The following JAZF1 variants were observed in gnomAD, a reference collection of about 807,000 sequenced individuals.
The protein encoded by JAZF1 is JAZF zinc finger 1.
Under a neutral mutation model 26.4 loss-of-function variants are expected in JAZF1, and 8 were observed. That is an observed-to-expected ratio of 0.30 (90% CI 0.18 to 0.55). JAZF1 has a LOEUF of 0.55. Among genes scored for constraint, JAZF1 ranks in the 20% least tolerant of loss-of-function variants. The probability of loss-of-function intolerance (pLI) is 0.94; values close to 1 mark genes in which losing one functional copy is unlikely to be tolerated. For missense variants in JAZF1, 199 were observed against 322.0 expected (o/e 0.62, Z 2.92); for synonymous variants, 126 against 122.3 (o/e 1.03, Z -0.20).
chr7:28,072,840 A>G (rs1216243490), intron 1 of JAZF1, among the ~76,000 whole-genome samples: 1 of 152,232 alleles, frequency 6.6e-6, no homozygotes, highest in Non-Finnish European at 1.5e-5. Flanking sequence ...AATAGTTTAT[A>G]TAAACTTGCA....
chr7:28,020,754 T>C (rs951534890), intron 1 of JAZF1: 2 of 468,266 alleles, frequency 4.3e-6, no homozygotes, highest in Non-Finnish European at 8.9e-6. Context: ...CTGAAGCCTC[T>C]GCAGCCTTGG....
chr7:28,130,915 C>T (rs190668545), intron 1 of JAZF1, among the ~76,000 whole-genome samples: 190 of 152,262 alleles, frequency 1.2e-3, no homozygotes, highest in African/African-American at 4.3e-3. Flanking sequence ...TTTGGCCTGA[C>T]GACTACTTTA....
intron 2 of JAZF1, among the ~76,000 whole-genome samples, chr7:27,990,521 T>A (rs1169598458): frequency 6.6e-6 from 1 of 152,144 alleles, no homozygotes; most frequent in African/African-American, 2.4e-5. Context: ...GGTGAAAATT[T>A]CATAGATTCT....
chr7:28,103,980 C>G (rs1433042569), intron 1 of JAZF1, among the ~76,000 whole-genome samples: 4 of 152,202 alleles, frequency 2.6e-5, no homozygotes, highest in Admixed American at 6.5e-5. Flanking sequence ...TGGGTGCCCA[C>G]CACGACCTTA....
rs1785816719 is a variant in JAZF1, at chr7:27,988,706, C to T, written c.188+3203G>A. Among the ~76,000 whole-genome samples, 3 of 152,004 alleles carry T rather than the reference C, an allele frequency of 2.0e-5. No homozygotes were observed. In the South Asian group the frequency reaches 6.2e-4, roughly 32 times the overall value. ...GTCATAGGTAAAAAAAATAGCATAT[C>T]ATTGTTTGAATCTATTGTTATTTTC... On this transcript the variant is annotated intron_variant, in intron 2 of 4. Transcript: ENST00000283928.
intron 1 of JAZF1, among the ~76,000 whole-genome samples, chr7:28,103,226 A>C (rs1784501477): frequency 6.6e-6 from 1 of 151,862 alleles, no homozygotes; most frequent in Non-Finnish European, 1.5e-5. Flanking sequence ...ACCATTCCCA[A>C]ATGCCTATCT....
At chr7:28,097,759 G>A (rs960647374) in intron 1 of JAZF1, among the ~76,000 whole-genome samples, 3 of 152,156 alleles carry the variant, frequency 2.0e-5, no homozygotes, top group Non-Finnish European at 2.9e-5. Flanking sequence ...GGCAGCCACA[G>A]GCCTGCTAGA....
At chr7:28,010,937 A>G (rs1042691129) in intron 1 of JAZF1, among the ~76,000 whole-genome samples, 3 of 152,170 alleles carry the variant, frequency 2.0e-5, no homozygotes. Context: ...TTTTCTCTAC[A>G]TGTAGCTGCT....
At chr7:27,841,255 C>A in intron 3 of JAZF1, 1 of 183,714 alleles carries the variant, frequency 5.4e-6, no homozygotes, top group Non-Finnish European at 1.1e-5. Flanking sequence ...CTGACACTCC[C>A]AAATGAGCAG....
chr7:27,978,069 A>G (rs1159661668), intron 2 of JAZF1, among the ~76,000 whole-genome samples: 2 of 152,250 alleles, frequency 1.3e-5, no homozygotes, highest in Admixed American at 1.3e-4. Flanking sequence ...AAAAGTTGCA[A>G]TAACATTCCA....
intron 1 of JAZF1, among the ~76,000 whole-genome samples, chr7:28,154,468 T>A (rs774464614): frequency 1.1e-4 from 16 of 152,180 alleles, no homozygotes; most frequent in Non-Finnish European, 2.4e-4. Flanking sequence ...TCATATCCAA[T>A]AGTCTGATGT....
chr7:27,885,978 CCTAA>C lies in JAZF1; in HGVS notation c.385+9238_385+9241del, dbSNP rs549349907. ...GTGCTATATAGCTATTTCTAGAAGC[CCTAA>C]CTAACCTGACAACATAAGCCATTTC... On this transcript the variant is annotated intron_variant, in intron 3 of 4. Transcript: ENST00000283928. Among the ~76,000 whole-genome samples, 235 of 152,254 alleles carry C rather than the reference CCTAA, an allele frequency of 1.5e-3. 1 individual carries two copies. The highest frequency in any genetic ancestry group is 5.3e-3 in the African/African-American group (220 of 41,554).
At chr7:27,860,749 G>A (rs555643444) in intron 3 of JAZF1, among the ~76,000 whole-genome samples, 19 of 152,260 alleles carry the variant, frequency 1.2e-4, no homozygotes, top group Middle Eastern at 6.8e-3. Context: ...CCCAGCCAGC[G>A]TACTGCACTG....
At chr7:27,939,130 C>T (rs1374858489) in intron 2 of JAZF1, among the ~76,000 whole-genome samples, 1 of 152,160 alleles carries the variant, frequency 6.6e-6, no homozygotes, top group Non-Finnish European at 1.5e-5. Context: ...ATGAGGTCTA[C>T]GGAGCACAGA....
intron 1 of JAZF1, among the ~76,000 whole-genome samples, chr7:28,106,232 A>G (rs547458798): frequency 3.3e-5 from 5 of 152,310 alleles, no homozygotes; most frequent in African/African-American, 1.2e-4. Context: ...TTTCCTTCCG[A>G]AGAGCAATGG....
intron 1 of JAZF1, among the ~76,000 whole-genome samples, chr7:28,157,542 C>T (rs1321311024): frequency 7.2e-5 from 11 of 152,096 alleles, no homozygotes; most frequent in Admixed American, 1.3e-4. Context: ...TCTTAGTATG[C>T]GGGCTGTACA....
chr7:28,137,024 TGCCCAACA>T (rs1307915400), intron 1 of JAZF1, among the ~76,000 whole-genome samples: 1 of 152,222 alleles, frequency 6.6e-6, no homozygotes, highest in Non-Finnish European at 1.5e-5. Flanking sequence ...TGCACTTTCC[TGCCCAACA>T]GCCCAACAAG....
intron 1 of JAZF1, among the ~76,000 whole-genome samples, chr7:28,059,551 A>T (rs1256572636): frequency 1.3e-5 from 2 of 152,180 alleles, no homozygotes; most frequent in Non-Finnish European, 2.9e-5. Context: ...TGTTGATTCA[A>T]ATTTACCCAC....
intron 1 of JAZF1, among the ~76,000 whole-genome samples, chr7:28,180,091 C>A (rs1783615968): frequency 6.8e-6 from 1 of 146,004 alleles, no homozygotes; most frequent in Admixed American, 6.8e-5. Context: ...CAGCTCCCGC[C>A]GCCCGCCGCG....
Sources: gnomAD v4.1 joint callset for allele counts (sites outside exome capture counted in the v4.1 genomes callset) on GRCh38, gnomAD v4.1.1 for gene constraint, MANE v1.5 for transcripts, NCBI Gene and HGNC (gene_info 2026-07-23, HGNC 2026-07-21) for gene names.